Variants in TMEM178B observed in about 807,000 individuals in gnomAD.
TMEM178B encodes the protein transmembrane protein 178B.
TMEM178B carries 5 observed loss-of-function variants against 31.0 expected under a neutral mutation model. The observed-to-expected ratio is 0.16, with a 90% CI of 0.08 to 0.34. The LOEUF (loss-of-function observed/expected upper bound fraction) is 0.34, where lower values mean the gene tolerates loss of function less well. Among genes scored for constraint, TMEM178B ranks in the 10% least tolerant of loss-of-function variants. The pLI, the probability that TMEM178B is intolerant of heterozygous loss-of-function variation, is 1.00. For synonymous variants in TMEM178B, 164 were observed against 164.0 expected (o/e 1.00, Z 0.00); for missense variants, 275 against 400.3 (o/e 0.69, Z 2.67).
At chr7:141,292,514 C>G (rs1474945257) in intron 2 of TMEM178B, among the ~76,000 whole-genome samples, 1 of 152,182 alleles carries the variant, frequency 6.6e-6, no homozygotes, top group Non-Finnish European at 1.5e-5. Flanking sequence ...CACACATGTC[C>G]TGAAAGTCAT....
the TMEM178B span, among the ~76,000 whole-genome samples, chr7:141,488,664 T>C: frequency 2.6e-5 from 4 of 152,236 alleles, no homozygotes; most frequent in East Asian, 7.7e-4. Flanking sequence ...GGTCTTGATC[T>C]CTTGAGCTCG....
intron 2 of TMEM178B, among the ~76,000 whole-genome samples, chr7:141,287,788 A>G (rs1433582896): frequency 6.6e-6 from 1 of 152,226 alleles, no homozygotes; most frequent in Non-Finnish European, 1.5e-5. Context: ...AAAGAAGCCA[A>G]CTGTTCTCCT....
chr7:141,188,415 GA>G (rs1399206453), intron 1 of TMEM178B, among the ~76,000 whole-genome samples: 2 of 152,178 alleles, frequency 1.3e-5, no homozygotes, highest in African/African-American at 2.4e-5. Flanking sequence ...TCAAAAATCT[GA>G]AAAGATCCAA....
At chr7:141,365,949 C>T (rs1799996735) in intron 2 of TMEM178B, among the ~76,000 whole-genome samples, 1 of 152,236 alleles carries the variant, frequency 6.6e-6, no homozygotes, top group Non-Finnish European at 1.5e-5. Flanking sequence ...TGATCTCAGG[C>T]AAGTCGTTTA....
At position 141,419,237 on chromosome 7, in the gene TMEM178B, C is replaced by CA. The variant is rs1025379020; in HGVS notation, c.497-18363dup. 1.1e-4 allele frequency among the ~76,000 whole-genome samples: 16 copies of CA among 151,694 alleles called. No homozygotes were observed. In the South Asian group the frequency reaches 1.3e-3, roughly 12 times the overall value. ...GTCCTTGCTTTCCATCATGCCCCTC[C>CA]AAAAAAAAGAAAGAAAAAGAAACCC... On this transcript the variant is annotated intron_variant, in intron 2 of 3. Coordinates refer to ENST00000565468, the MANE Select transcript of TMEM178B (RefSeq NM_001195278.2).
At chr7:141,358,899 G>A (rs1271241093) in intron 2 of TMEM178B, among the ~76,000 whole-genome samples, 1 of 152,302 alleles carries the variant, frequency 6.6e-6, no homozygotes, top group South Asian at 2.1e-4. Flanking sequence ...GTTACTAAAA[G>A]TCATTCCCAG....
intron 1 of TMEM178B, among the ~76,000 whole-genome samples, chr7:141,188,995 C>T (rs1253727277): frequency 6.6e-6 from 1 of 152,192 alleles, no homozygotes; most frequent in Non-Finnish European, 1.5e-5. Context: ...AGGAATCAGG[C>T]CCAAACCGAG....
chr7:141,298,288 T>G (rs200439210), intron 2 of TMEM178B, among the ~76,000 whole-genome samples: 11 of 152,332 alleles, frequency 7.2e-5, no homozygotes, highest in East Asian at 5.8e-4. Context: ...TTGCAAAAAT[T>G]TTCTCCCATT....
In TMEM178B at chr7:141,279,178, G is replaced by C. The variant is rs555296238; in HGVS notation, c.496+66474G>C. On this transcript the variant is annotated intron_variant, in intron 2 of 3. Coordinates refer to ENST00000565468, the MANE Select transcript of TMEM178B (RefSeq NM_001195278.2). ...AGTAGCTCAGGAATGCTTTTCTGCA[G>C]TCTGGGGCTGGTCTATGAGGCCATT... Among the ~76,000 whole-genome samples, 19 of 152,286 alleles carry C rather than the reference G, an allele frequency of 1.2e-4. 1 individual carries two copies. The highest frequency in any genetic ancestry group is 4.1e-4 in the African/African-American group (17 of 41,564).
intron 1 of TMEM178B, among the ~76,000 whole-genome samples, chr7:141,150,277 G>GA (rs1287960984): frequency 2.0e-5 from 3 of 152,074 alleles, no homozygotes; most frequent in Non-Finnish European, 4.4e-5. Flanking sequence ...TCCTAGTTTG[G>GA]AAAAAAGTAT....
chr7:141,093,881 G>A (rs762190598), intron 1 of TMEM178B, among the ~76,000 whole-genome samples: 4 of 152,182 alleles, frequency 2.6e-5, no homozygotes, highest in South Asian at 2.1e-4. Context: ...AGTGTTGGGG[G>A]TAAAAACTTG....
rs1326064124 is a variant in TMEM178B, at chr7:141,461,105, C to T, written c.635-9431C>T. ...TCTACTTCCCAGGACGGATGTGCCA[C>T]TGTTGAAGGAGGAGGCCCTCTCCTT... On this transcript the variant is annotated intron_variant, in intron 3 of 3. Coordinates refer to ENST00000565468, the MANE Select transcript of TMEM178B (RefSeq NM_001195278.2). This position sits in a 1 kb window ranked among gnomAD's most constrained non-coding sequence, Gnocchi z 4.0. Among the ~76,000 whole-genome samples, 1 of 152,196 alleles carries T rather than the reference C, an allele frequency of 6.6e-6. No individual in the cohort carries two copies. The highest frequency in any genetic ancestry group is 1.5e-5 in the Non-Finnish European group (1 of 68,044).
chr7:141,351,412 C>A (rs1799719610), intron 2 of TMEM178B, among the ~76,000 whole-genome samples: 1 of 152,232 alleles, frequency 6.6e-6, no homozygotes, highest in South Asian at 2.1e-4. Context: ...CAGGCCAGTC[C>A]AGGCTTGTTT....
chr7:141,136,858 C>G (rs1373277077), intron 1 of TMEM178B, among the ~76,000 whole-genome samples: 1 of 151,812 alleles, frequency 6.6e-6, no homozygotes, highest in Non-Finnish European at 1.5e-5. Context: ...AGAGTGAGAC[C>G]CATCTCTAAA....
the TMEM178B span, among the ~76,000 whole-genome samples, chr7:141,494,733 G>A: frequency 5.5e-4 from 83 of 152,222 alleles, no homozygotes; most frequent in African/African-American, 1.8e-3. Context: ...GTAAAACCTC[G>A]TCTCTAAGAC....
chr7:141,212,652 C>G lies in TMEM178B; in HGVS notation c.444C>G (p.Asn148Lys), dbSNP rs1213572047. 1 of 1,536,104 alleles carries G rather than the reference C, an allele frequency of 6.5e-7. No individual in the cohort carries two copies. ...ACTCCTCAGCAACCATCCCCAGGAA[C>G]CTCACTTTCAATATCACGAAGACCA... is the stretch of plus-strand genomic sequence containing the variant. ...YHYSSATIPR[N>K]LTFNITKTIR... Residue 148 changes from asparagine (N) to lysine (K), a missense_variant, in exon 2 of 4, where the codon AAC (asparagine) becomes AAG (lysine). Physicochemically the swap from Asn to Lys is moderately conservative, Grantham distance 94 (BLOSUM62 0). Transcript: ENST00000565468.
intron 2 of TMEM178B, among the ~76,000 whole-genome samples, chr7:141,420,482 T>A (rs955507464): frequency 1.3e-5 from 2 of 152,174 alleles, no homozygotes; most frequent in Admixed American, 1.3e-4. Flanking sequence ...GAATGAGCTT[T>A]AACCATCTGC....
At chr7:141,449,596 A>G (rs544793384) in intron 3 of TMEM178B, among the ~76,000 whole-genome samples, 1 of 152,302 alleles carries the variant, frequency 6.6e-6, no homozygotes, top group South Asian at 2.1e-4. Flanking sequence ...TCCCCCTGAG[A>G]TAGGCTTAGA....
Position 141,254,516 on chromosome 7 carries a change from G to A in TMEM178B, c.496+41812G>A, listed in dbSNP as rs897963865. Among the ~76,000 whole-genome samples the A allele has an allele frequency of 9.2e-5, 14 of 152,240 alleles. 1 individual carries two copies. Among genetic ancestry groups the A allele is most frequent in the East Asian group, 3.9e-4 (2 of 5,176 alleles). Reference sequence around the variant, plus strand: ...GTGGATCACCTGAGGTCAGGAGTTCGAGACCAGCCCGGCTAACATGGTGAC... The same window carrying A: ...GTGGATCACCTGAGGTCAGGAGTTCAAGACCAGCCCGGCTAACATGGTGAC... On this transcript the variant is annotated intron_variant, in intron 2 of 3. Transcript: ENST00000565468.
Sources: gnomAD v4.1 joint callset for allele counts (sites outside exome capture counted in the v4.1 genomes callset) on GRCh38, gnomAD v4.1.1 for gene constraint, Gnocchi (gnomAD v3.1) non-coding constraint, MANE v1.5 for transcripts, NCBI Gene and HGNC (gene_info 2026-07-23, HGNC 2026-07-21) for gene names.